Variants in TOX observed in about 807,000 individuals in gnomAD.
The protein encoded by TOX is thymocyte selection associated high mobility group box.
A neutral mutation model predicts 53.7 loss-of-function variants in TOX; 11 were observed. The ratio of observed to expected loss-of-function variants is 0.20; its 90% confidence interval spans 0.13 to 0.34. The LOEUF (loss-of-function observed/expected upper bound fraction) is 0.34. TOX is among the 10% of genes least tolerant of loss of function. TOX has a pLI of 1.00. For missense variants in TOX, 570 were observed against 664.6 expected, an observed-to-expected ratio of 0.86 and a Z score of 1.56; for synonymous variants, 225 against 245.3, an observed-to-expected ratio of 0.92 and a Z score of 0.77.
chr8:59,044,278 C>A (rs1803648076), intron 1 of TOX, among the ~76,000 whole-genome samples: 1 of 147,964 alleles, frequency 6.8e-6, no homozygotes, highest in African/African-American at 2.5e-5. Flanking sequence ...CTGTGTGAAG[C>A]AACAGCTCTG....
intron 3 of TOX, among the ~76,000 whole-genome samples, chr8:58,864,512 T>C (rs566230699): frequency 5.7e-4 from 87 of 152,342 alleles, no homozygotes; most frequent in South Asian, 3.7e-3. Context: ...GGTTTTTTCA[T>C]TGGGTCCTAA....
chr8:58,981,999 G>A (rs1305145795), intron 1 of TOX, among the ~76,000 whole-genome samples: 1 of 152,042 alleles, frequency 6.6e-6, no homozygotes, highest in African/African-American at 2.4e-5. Flanking sequence ...TCAACCAATA[G>A]CTCTTCTCTG....
chr8:58,925,914 A>C (rs1812151281), intron 3 of TOX, among the ~76,000 whole-genome samples: 1 of 152,104 alleles, frequency 6.6e-6, no homozygotes, highest in Non-Finnish European at 1.5e-5. Context: ...GACTATTCTG[A>C]ATATGTGCCC....
chr8:58,985,342 G>A (rs575018375), intron 1 of TOX, among the ~76,000 whole-genome samples: 38 of 152,108 alleles, frequency 2.5e-4, no homozygotes, highest in African/African-American at 8.2e-4. Flanking sequence ...GCTACAACTT[G>A]GATGAACCTT....
chr8:58,957,723 T>C (rs1315238152), intron 2 of TOX, among the ~76,000 whole-genome samples: 3 of 152,236 alleles, frequency 2.0e-5, no homozygotes, highest in Admixed American at 6.5e-5. Context: ...ACAGGAATTA[T>C]AATTGTTGAG....
At chr8:59,029,330 T>C (rs969508125) in intron 1 of TOX, among the ~76,000 whole-genome samples, 24 of 144,008 alleles carry the variant, frequency 1.7e-4, no homozygotes, top group Non-Finnish European at 4.5e-5. Context: ...AACGTGACAC[T>C]CTTCCTTTGA....
intron 3 of TOX, among the ~76,000 whole-genome samples, chr8:58,860,581 C>A (rs1037455487): frequency 6.6e-6 from 1 of 152,164 alleles, no homozygotes; most frequent in South Asian, 2.1e-4. Context: ...CGGTTATTAT[C>A]CTTGAGTTGC....
rs141590280 is a variant in TOX, at chr8:58,925,058, C to A, written c.411+14244G>T. Among the ~76,000 whole-genome samples the A allele has an allele frequency of 9.3e-3, 1,409 of 152,282 alleles. 14 individuals carry two copies. The highest frequency in any genetic ancestry group is 0.02 in the Middle Eastern group (6 of 294). The stretch of plus-strand genomic sequence containing the variant: ...GATGCACCTCGTGCACAGCCACAGC[C>A]CCCAACCCTCGGCCTGCCTGCACCT... On this transcript the variant is annotated intron_variant, in intron 3 of 8. Coordinates refer to ENST00000361421, the MANE Select transcript of TOX (RefSeq NM_014729.3).
chr8:58,848,876 C>T (rs997943212), intron 4 of TOX, among the ~76,000 whole-genome samples: 2 of 152,070 alleles, frequency 1.3e-5, no homozygotes, highest in Admixed American at 1.3e-4. Flanking sequence ...TGCTTAAAGA[C>T]AGCACAAAGT....
intron 3 of TOX, among the ~76,000 whole-genome samples, chr8:58,855,432 T>C (rs1196030174): frequency 2.0e-5 from 3 of 152,186 alleles, no homozygotes; most frequent in Non-Finnish European, 4.4e-5. Flanking sequence ...TCATCTTCCT[T>C]GTCACCTCTA....
chr8:59,048,147 CAT>C (rs1198195911), intron 1 of TOX, among the ~76,000 whole-genome samples: 1 of 152,166 alleles, frequency 6.6e-6, no homozygotes, highest in Admixed American at 6.5e-5. Flanking sequence ...CCAAAGGCCC[CAT>C]GCAGAGCTAC....
intron 1 of TOX, among the ~76,000 whole-genome samples, chr8:58,984,975 T>A (rs1328395406): frequency 6.6e-6 from 1 of 150,958 alleles, no homozygotes. Context: ...GGGTATATAA[T>A]CAAAAGAATT....
At chr8:59,034,957 T>C (rs1250565526) in intron 1 of TOX, among the ~76,000 whole-genome samples, 1 of 151,598 alleles carries the variant, frequency 6.6e-6, no homozygotes, top group Non-Finnish European at 1.5e-5. Context: ...GGTCAGGAAG[T>C]GGAAGGGAAG....
chr8:58,879,589 T>A (rs191427603), intron 3 of TOX, among the ~76,000 whole-genome samples: 27 of 152,338 alleles, frequency 1.8e-4, no homozygotes, highest in African/African-American at 6.3e-4. Context: ...CCAAGAGCAC[T>A]GAGCCATGTA....
intron 1 of TOX, among the ~76,000 whole-genome samples, chr8:59,100,429 G>GC: frequency 6.6e-6 from 1 of 152,168 alleles, no homozygotes; most frequent in East Asian, 1.9e-4. Flanking sequence ...ACCGCTGACA[G>GC]CCATCAGCAG....
intron 1 of TOX, among the ~76,000 whole-genome samples, chr8:59,034,740 A>G (rs933433455): frequency 1.3e-5 from 2 of 152,190 alleles, no homozygotes; most frequent in African/African-American, 4.8e-5. Flanking sequence ...AGGGAAGAAA[A>G]TGGCAAGTTA....
chr8:58,924,655 G>A (rs1215162795), intron 3 of TOX, among the ~76,000 whole-genome samples: 1 of 152,222 alleles, frequency 6.6e-6, no homozygotes, highest in African/African-American at 2.4e-5. Flanking sequence ...ACTATTTTAT[G>A]CATCATAAAG....
At chr8:59,089,398 T>C (rs765295441) in intron 1 of TOX, among the ~76,000 whole-genome samples, 3 of 152,192 alleles carry the variant, frequency 2.0e-5, no homozygotes, top group Non-Finnish European at 4.4e-5. Flanking sequence ...CTTTCAGCTC[T>C]TCAGTAATCT....
chr8:59,077,753 A>G (rs1178237466), intron 1 of TOX, among the ~76,000 whole-genome samples: 2 of 152,224 alleles, frequency 1.3e-5, no homozygotes, highest in African/African-American at 4.8e-5. Context: ...TTATTGATTC[A>G]TGCTTGTTTG....
Sources: gnomAD v4.1 joint callset for allele counts (sites outside exome capture counted in the v4.1 genomes callset) on GRCh38, gnomAD v4.1.1 for gene constraint, MANE v1.5 for transcripts, NCBI Gene and HGNC (gene_info 2026-07-23, HGNC 2026-07-21) for gene names.